Variants in TBC1D4 observed in about 807,000 individuals in gnomAD.
TBC1D4 encodes TBC1 domain family member 4, also known as TBC (Tre-2, BUB2, CDC16) domain-containing protein.
Under a neutral mutation model 142.5 loss-of-function variants are expected in TBC1D4, and 121 were observed. The observed-to-expected ratio is 0.85, with a 90% confidence interval of 0.73 to 0.99. TBC1D4 has a LOEUF of 0.99. TBC1D4 is among the 50% of genes least tolerant of loss of function. The pLI is 0.00. For missense variants in TBC1D4, 1,475 were observed against 1,606.6 expected, an observed-to-expected ratio of 0.92 and a Z score of 1.40; for synonymous variants, 630 against 628.2, an observed-to-expected ratio of 1.00 and a Z score of -0.04.
chr13:75,453,577 C>G (rs1438118792), intron 1 of TBC1D4, among the ~76,000 whole-genome samples: 1 of 152,064 alleles, frequency 6.6e-6, no homozygotes, highest in African/African-American at 2.4e-5. Flanking sequence ...TAAAAAGATT[C>G]TTGGCTGGGC....
intron 4 of TBC1D4, among the ~76,000 whole-genome samples, chr13:75,354,140 A>C (rs982985782): frequency 6.6e-6 from 1 of 152,226 alleles, no homozygotes; most frequent in Non-Finnish European, 1.5e-5. Flanking sequence ...ACATATGTGA[A>C]GAAGGTCATG....
intron 1 of TBC1D4, among the ~76,000 whole-genome samples, chr13:75,390,535 C>A (rs1422867821): frequency 6.6e-6 from 1 of 152,124 alleles, no homozygotes; most frequent in Non-Finnish European, 1.5e-5. Flanking sequence ...CACTCACTTA[C>A]AGATTCCCAT....
chr13:75,384,511 T>G (rs143152142), intron 1 of TBC1D4, among the ~76,000 whole-genome samples: 3 of 150,786 alleles, frequency 2.0e-5, no homozygotes, highest in East Asian at 3.9e-4. Context: ...ACAGTAACTT[T>G]CCAGTTTCTC....
At chr13:75,352,728 C>T (rs1051784214) in intron 4 of TBC1D4, among the ~76,000 whole-genome samples, 11 of 152,116 alleles carry the variant, frequency 7.2e-5, no homozygotes, top group African/African-American at 2.7e-4. Flanking sequence ...CGTCAGAACA[C>T]TATACTGTTT....
chr13:75,371,285 A>G (rs1883208017), intron 1 of TBC1D4, among the ~76,000 whole-genome samples: 3 of 152,212 alleles, frequency 2.0e-5, no homozygotes, highest in African/African-American at 7.2e-5. Flanking sequence ...AGCTTCCAAT[A>G]GAGAATACAT....
rs1474154814 is a variant in TBC1D4, at chr13:75,292,216, C to T, written c.3372G>A (p.Leu1124=). The T allele has an allele frequency of 6.2e-7, 1 of 1,613,286 alleles. No homozygotes were observed. The highest frequency in any genetic ancestry group is 1.3e-5 in the African/African-American group (1 of 74,870). Residue 1124 remains leucine, a synonymous_variant, in exon 19 of 21, where the codon CTG becomes CTA. Coordinates refer to ENST00000377636, the MANE Select transcript of TBC1D4 (RefSeq NM_014832.5). ...EVIFKVALSL[L]SSQETLIMEC... ...CCATTATAAGTGTCTCTTGGCTGCTCAGTAGGCTGAGTGCAACCTTGAATA... is the reference window on the plus strand; with the variant it reads ...CCATTATAAGTGTCTCTTGGCTGCTTAGTAGGCTGAGTGCAACCTTGAATA...
chr13:75,443,120 G>C (rs1362696652), intron 1 of TBC1D4, among the ~76,000 whole-genome samples: 1 of 152,218 alleles, frequency 6.6e-6, no homozygotes, highest in African/African-American at 2.4e-5. Context: ...GAGGCCCCCA[G>C]CTGGATGCAG....
At position 75,342,115 on chromosome 13, in the gene TBC1D4, T is replaced by A. The variant is rs562615123; in HGVS notation, c.1409-528A>T. 3.9e-5 allele frequency among the ~76,000 whole-genome samples: 6 copies of A among 152,202 alleles called. No homozygotes were observed. In the East Asian group the frequency reaches 1.2e-3, roughly 29 times the overall value. On this transcript the variant is annotated intron_variant, in intron 5 of 20. Coordinates refer to ENST00000377636, the MANE Select transcript of TBC1D4 (RefSeq NM_014832.5). ...CAGGAGGCGAGGCAGGAGACTCACT[T>A]GAACATGGGAGGCAGAGGTTGCAGT...
chr13:75,481,909 C>G lies in TBC1D4; in HGVS notation c.-142G>C. On this transcript the variant is annotated 5_prime_UTR_variant, in exon 1 of 21. Coordinates refer to ENST00000377636, the MANE Select transcript of TBC1D4 (RefSeq NM_014832.5). ...CTGGGAGCGGCGCGACCCCGAACTC[C>G]GCGCTTCAGCAGCCCTGCCCCATGC... 2 of 1,241,248 alleles carry G rather than the reference C, an allele frequency of 1.6e-6. No individual in the cohort carries two copies. The highest frequency in any genetic ancestry group is 4.0e-5 in the South Asian group (2 of 50,110). 76.9% of individuals were successfully genotyped at this position (1,241,248 alleles called of 1,614,324 possible).
At chr13:75,363,425 T>C (rs1331443003) in intron 1 of TBC1D4, among the ~76,000 whole-genome samples, 1 of 152,170 alleles carries the variant, frequency 6.6e-6, no homozygotes, top group Non-Finnish European at 1.5e-5. Context: ...CTATTCAAAG[T>C]CACCCCTCTG....
At chr13:75,471,736 CA>C (rs67975515) in intron 1 of TBC1D4, among the ~76,000 whole-genome samples, 126,131 of 137,488 alleles carry the variant, frequency 0.92, 58,295 homozygotes, top group Non-Finnish European at 0.99. Flanking sequence ...GAGACTGTCT[CA>C]AAAAAAAAAA....
At chr13:75,348,952 A>T (rs538082084) in intron 5 of TBC1D4, among the ~76,000 whole-genome samples, 81 of 120,080 alleles carry the variant, frequency 6.7e-4, no homozygotes, top group African/African-American at 2.4e-3. Flanking sequence ...AGAGAGAGAG[A>T]GAGTGTGTGT....
intron 8 of TBC1D4, among the ~76,000 whole-genome samples, chr13:75,335,133 G>A (rs867117870): frequency 3.3e-5 from 5 of 152,038 alleles, no homozygotes; most frequent in East Asian, 1.9e-4. Flanking sequence ...TCTGACACCC[G>A]CACTGGGCCT....
At position 75,286,009 on chromosome 13, in the gene TBC1D4, T is replaced by C. The variant is rs557591636; in HGVS notation, c.*783A>G. 6.5e-6 allele frequency: 1 copy of C among 152,752 alleles called. No homozygotes were observed. The highest frequency in any genetic ancestry group is 2.1e-4 in the South Asian group (1 of 4,820). 9.5% of individuals were successfully genotyped at this position (152,752 alleles called of 1,614,324 possible). A position where few individuals can be genotyped will look rare whatever the true frequency, so the allele number is the denominator to read the frequency against. ...ATTAAATTTTTCAGGTGTGATATTT[T>C]TAGTTTGAGTAATAATGCTGGTCTA... On this transcript the variant is annotated 3_prime_UTR_variant, in exon 21 of 21. Transcript: ENST00000377636.
At chr13:75,320,673 G>C (rs1274070287) in intron 11 of TBC1D4, among the ~76,000 whole-genome samples, 1 of 151,858 alleles carries the variant, frequency 6.6e-6, no homozygotes, top group Non-Finnish European at 1.5e-5. Flanking sequence ...TCAGGATAGT[G>C]GTCCTGGAAA....
At chr13:75,299,776 T>C (rs1454179783) in intron 16 of TBC1D4, among the ~76,000 whole-genome samples, 1 of 135,290 alleles carries the variant, frequency 7.4e-6, no homozygotes, top group Non-Finnish European at 1.5e-5. Context: ...TCTTCACATA[T>C]ACGATATGGG....
chr13:75,374,675 C>T (rs1198063167), intron 1 of TBC1D4, among the ~76,000 whole-genome samples: 2 of 152,104 alleles, frequency 1.3e-5, no homozygotes, highest in South Asian at 2.1e-4. Flanking sequence ...TTCATCAAAA[C>T]TCCCAAACAA....
At chr13:75,316,533 T>C (rs1878332541) in intron 12 of TBC1D4, 1 of 152,230 alleles carries the variant, frequency 6.6e-6, no homozygotes, top group South Asian at 2.1e-4. Context: ...AGTAGTTGGT[T>C]GCTGAGATAT....
intron 1 of TBC1D4, among the ~76,000 whole-genome samples, chr13:75,469,541 C>A (rs191814476): frequency 6.6e-6 from 1 of 152,152 alleles, no homozygotes; most frequent in East Asian, 1.9e-4. Context: ...GGGGCTGAAG[C>A]AAGAGGACTG....
Sources: gnomAD v4.1 joint callset for allele counts (sites outside exome capture counted in the v4.1 genomes callset) on GRCh38, gnomAD v4.1.1 for gene constraint, MANE v1.5 for transcripts, NCBI Gene and HGNC (gene_info 2026-07-23, HGNC 2026-07-21) for gene names.